SEMA6D: variants seen among roughly 807,000 people sequenced by gnomAD.
SEMA6D encodes the protein semaphorin-6D.
A neutral mutation model predicts 106.6 loss-of-function variants in SEMA6D; 35 were observed. The observed-to-expected ratio is 0.33, with a 90% CI of 0.25 to 0.44. The LOEUF is 0.44. SEMA6D is among the 20% of genes least tolerant of loss of function. The pLI, the probability that SEMA6D is intolerant of heterozygous loss-of-function variation, is 1.00. For missense variants in SEMA6D, 1,185 were observed against 1,345.9 expected (o/e 0.88, Z 1.87); for synonymous variants, 499 against 487.7 (o/e 1.02, Z -0.31).
intron 1 of SEMA6D, among the ~76,000 whole-genome samples, chr15:47,245,614 T>G (rs1350421459): frequency 6.6e-6 from 1 of 152,242 alleles, no homozygotes; most frequent in African/African-American, 2.4e-5. Flanking sequence ...GATGTTCTAC[T>G]GTTATGTATC....
At chr15:47,363,185 G>A (rs555758517) in intron 1 of SEMA6D, among the ~76,000 whole-genome samples, 66 of 152,202 alleles carry the variant, frequency 4.3e-4, no homozygotes, top group Non-Finnish European at 1.2e-4. Context: ...AAGATCTGAG[G>A]CATAAAGAGG....
chr15:47,207,827 A>C (rs1381895364), intron 1 of SEMA6D, among the ~76,000 whole-genome samples: 1 of 152,110 alleles, frequency 6.6e-6, no homozygotes, highest in Non-Finnish European at 1.5e-5. Flanking sequence ...TACTTCATCT[A>C]GTACGAGATC....
chr15:47,749,929 C>A (rs1420299180), intron 1 of SEMA6D, among the ~76,000 whole-genome samples: 1 of 151,974 alleles, frequency 6.6e-6, no homozygotes, highest in Non-Finnish European at 1.5e-5. Flanking sequence ...GTCACAGGTG[C>A]AGTTTGAAGA....
chr15:47,355,781 A>G (rs1328079506), intron 1 of SEMA6D, among the ~76,000 whole-genome samples: 1 of 152,222 alleles, frequency 6.6e-6, no homozygotes, highest in Non-Finnish European at 1.5e-5. Context: ...TTTATATTAT[A>G]ACTCAGAGTG....
chr15:47,319,255 T>A (rs981844842), intron 1 of SEMA6D, among the ~76,000 whole-genome samples: 1 of 152,242 alleles, frequency 6.6e-6, no homozygotes. Context: ...TAATCATAGT[T>A]GTTTTAAATT....
At chr15:47,185,205 C>T (rs1175397658) in intron 1 of SEMA6D, among the ~76,000 whole-genome samples, 4 of 152,132 alleles carry the variant, frequency 2.6e-5, no homozygotes, top group Admixed American at 6.5e-5. Flanking sequence ...GAGTGGGGGT[C>T]AAGGCTGCCG....
chr15:47,547,525 T>C (rs2045560068), intron 3 of SEMA6D, among the ~76,000 whole-genome samples: 1 of 152,226 alleles, frequency 6.6e-6, no homozygotes. Flanking sequence ...CCTGTTTCTA[T>C]GCTATATTGG....
intron 1 of SEMA6D, among the ~76,000 whole-genome samples, chr15:47,239,237 T>C (rs2032752516): frequency 6.6e-6 from 1 of 152,214 alleles, no homozygotes; most frequent in Non-Finnish European, 1.5e-5. Context: ...CACTGTCTCC[T>C]GTCACCCCCA....
chr15:47,722,126 A>C (rs2146346859), intron 1 of SEMA6D, among the ~76,000 whole-genome samples: 1 of 152,292 alleles, frequency 6.6e-6, no homozygotes, highest in East Asian at 1.9e-4. Context: ...GCCACCTTGC[A>C]ATGGTGTGTT....
intron 4 of SEMA6D, among the ~76,000 whole-genome samples, chr15:47,662,428 A>G (rs1045371419): frequency 6.6e-5 from 10 of 152,168 alleles, no homozygotes; most frequent in African/African-American, 1.9e-4. Flanking sequence ...ATGCTATTCC[A>G]TAAGCATTCA....
intron 1 of SEMA6D, among the ~76,000 whole-genome samples, chr15:47,188,744 G>A (rs1015037489): frequency 5.9e-5 from 9 of 152,136 alleles, no homozygotes; most frequent in Non-Finnish European, 1.0e-4. Flanking sequence ...GATCATCAAA[G>A]TTGTTATGAA....
intron 4 of SEMA6D, among the ~76,000 whole-genome samples, chr15:47,668,995 A>C (rs1480995581): frequency 6.6e-6 from 1 of 152,192 alleles, no homozygotes; most frequent in Non-Finnish European, 1.5e-5. Flanking sequence ...GAAAAATATT[A>C]TAATGAACAC....
intron 1 of SEMA6D, among the ~76,000 whole-genome samples, chr15:47,758,449 G>T (rs1013160418): frequency 1.6e-4 from 24 of 152,162 alleles, no homozygotes; most frequent in African/African-American, 5.3e-4. Context: ...GGTTGAGGGG[G>T]GGGTGTTATT....
chr15:47,762,334 C>G lies in SEMA6D; in HGVS notation c.658+15C>G, dbSNP rs2082101723. ...ATGGATAAAAGGTACCTTTGAAGAGCAGTGTCGTGGGGTCACCAGGATAGT... is the reference window on the plus strand; with the variant it reads ...ATGGATAAAAGGTACCTTTGAAGAGGAGTGTCGTGGGGTCACCAGGATAGT... On this transcript the variant is annotated intron_variant, in intron 8 of 18. Coordinates refer to ENST00000536845, the MANE Select transcript of SEMA6D (RefSeq NM_001358351.3). 6.2e-7 allele frequency: 1 copy of G among 1,612,006 alleles called. No homozygotes were observed. The highest frequency in any genetic ancestry group is 1.1e-5 in the South Asian group (1 of 91,016).
chr15:47,335,167 G>A (rs1268886499), intron 1 of SEMA6D, among the ~76,000 whole-genome samples: 3 of 152,098 alleles, frequency 2.0e-5, no homozygotes, highest in Non-Finnish European at 4.4e-5. Flanking sequence ...AGGGTATAGT[G>A]TAAAGGAATT....
intron 1 of SEMA6D, among the ~76,000 whole-genome samples, chr15:47,329,540 T>C (rs764733580): frequency 6.6e-6 from 1 of 152,212 alleles, no homozygotes; most frequent in Non-Finnish European, 1.5e-5. Context: ...GAGTAAATCA[T>C]TGGGATTTAC....
intron 1 of SEMA6D, among the ~76,000 whole-genome samples, chr15:47,755,789 C>T (rs2081690225): frequency 6.7e-6 from 1 of 150,282 alleles, no homozygotes; most frequent in African/African-American, 2.4e-5. Flanking sequence ...TTTTATAGAG[C>T]CTTAAGCTGT....
At chr15:47,243,861 T>C (rs1184160439) in intron 1 of SEMA6D, among the ~76,000 whole-genome samples, 4 of 152,152 alleles carry the variant, frequency 2.6e-5, no homozygotes, top group Non-Finnish European at 4.4e-5. Context: ...ATGAAAATGA[T>C]TGTTGAGCAC....
chr15:47,495,575 A>C (rs1432773477), intron 3 of SEMA6D, among the ~76,000 whole-genome samples: 1 of 152,196 alleles, frequency 6.6e-6, no homozygotes, highest in East Asian at 1.9e-4. Flanking sequence ...AACATTAAAA[A>C]AAGAGAAGGA....
Sources: allele counts gnomAD v4.1 joint callset (sites outside exome capture counted in the v4.1 genomes callset), GRCh38; gene constraint gnomAD v4.1.1; transcripts MANE v1.5; gene names NCBI Gene and HGNC (gene_info 2026-07-23, HGNC 2026-07-21).